Variants in USP10 observed in about 807,000 individuals in gnomAD.
The protein encoded by USP10 is ubiquitin specific peptidase 10, also known as ubiquitin carboxyl-terminal hydrolase 10.
In USP10, 22 loss-of-function variants were observed where a neutral mutation model predicts 84.5. The observed-to-expected ratio is 0.26, with a 90% CI of 0.19 to 0.37. The LOEUF (loss-of-function observed/expected upper bound fraction) is 0.37. Among genes scored for constraint, USP10 ranks in the 10% least tolerant of loss-of-function variants. The probability of loss-of-function intolerance (pLI) is 1.00; values close to 1 mark genes in which losing one functional copy is unlikely to be tolerated. For synonymous variants in USP10, 454 were observed against 387.6 expected (o/e 1.17, Z -2.01); for missense variants, 1,019 against 998.9 (o/e 1.02, Z -0.27).
intron 5 of USP10, 64 bp from the exon 6 acceptor site, chr16:84,759,299 G>C: frequency 6.9e-7 from 1 of 1,446,374 alleles, no homozygotes; most frequent in East Asian, 2.3e-5. Context: ...TGTGCTTCAT[G>C]TGCCTTCAGG....
rs1166613492 is a variant in USP10, at chr16:84,705,756, G to T, written c.21+5645G>T. ...TTTTTTTTTGAGACAGTCTTGCTCT[G>T]TTGCCCAGGCTGGAATGCAGTGGTG... On this transcript the variant is annotated intron_variant, in intron 1 of 13. Transcript: ENST00000219473. Among the ~76,000 whole-genome samples the T allele has an allele frequency of 5.6e-5, 6 of 106,362 alleles. No homozygotes were observed. The Admixed American group carries it at 5.8e-4, about 10-fold the overall frequency. The allele number at this position is 106,362 out of a possible 152,430, so 69.8% of individuals were successfully genotyped here. A position where few individuals can be genotyped will look rare whatever the true frequency, so the allele number is the denominator to read the frequency against.
intron 1 of USP10, among the ~76,000 whole-genome samples, chr16:84,705,064 G>A (rs528876987): frequency 2.1e-4 from 32 of 152,280 alleles, no homozygotes; most frequent in Admixed American, 1.2e-3. Flanking sequence ...CAGCCTTATC[G>A]GTTGTCATTC....
At chr16:84,769,647 C>T (rs1319380213) in intron 11 of USP10, among the ~76,000 whole-genome samples, 1 of 152,142 alleles carries the variant, frequency 6.6e-6, no homozygotes, top group African/African-American at 2.4e-5. Context: ...AGCTCCCTGG[C>T]CCTGGCTGCT....
chr16:84,739,641 G>A (rs1293865173), intron 2 of USP10, among the ~76,000 whole-genome samples: 3 of 152,206 alleles, frequency 2.0e-5, no homozygotes, highest in African/African-American at 7.2e-5. Context: ...AAATGTTATG[G>A]AATAGCTAGG....
chr16:84,742,784 A>G (rs1910776565), intron 3 of USP10, among the ~76,000 whole-genome samples: 1 of 152,202 alleles, frequency 6.6e-6, no homozygotes, highest in Non-Finnish European at 1.5e-5. Flanking sequence ...TCTGCCTTCT[A>G]GTGAGATGAT....
chr16:84,762,581 C>G (rs1913330768), intron 8 of USP10, among the ~76,000 whole-genome samples: 1 of 151,832 alleles, frequency 6.6e-6, no homozygotes, highest in Non-Finnish European at 1.5e-5. Context: ...GTCCCAGCTA[C>G]TCGGGAGGCT....
intron 10 of USP10, among the ~76,000 whole-genome samples, chr16:84,764,950 A>ATATATATG (rs1913682206): frequency 6.8e-6 from 1 of 146,720 alleles, no homozygotes; most frequent in Non-Finnish European, 1.5e-5. Context: ...ATATATATAT[A>ATATATATG]TATATTAGAC....
intron 4 of USP10, among the ~76,000 whole-genome samples, chr16:84,750,345 TTCA>T (rs1332286564): frequency 1.3e-5 from 2 of 149,704 alleles, no homozygotes; most frequent in Non-Finnish European, 3.0e-5. Context: ...GAGGTGGAGG[TTCA>T]GTGAGCCCAG....
chr16:84,722,133 C>A (rs958209269), intron 1 of USP10, among the ~76,000 whole-genome samples: 4 of 152,242 alleles, frequency 2.6e-5, no homozygotes, highest in African/African-American at 9.6e-5. Flanking sequence ...AGCTAGTGGT[C>A]TGCTTCTGTC....
intron 4 of USP10, 72 bp downstream of exon 4, chr16:84,745,745 G>A: frequency 6.8e-7 from 1 of 1,460,440 alleles, no homozygotes; most frequent in Non-Finnish European, 9.2e-7. Flanking sequence ...ATAGACTGTG[G>A]TGTTACCCAT....
intron 1 of USP10, among the ~76,000 whole-genome samples, chr16:84,726,117 T>G (rs1004593048): frequency 1.2e-4 from 18 of 152,242 alleles, no homozygotes; most frequent in African/African-American, 4.3e-4. Context: ...TTTCTATCAG[T>G]CCTTTTGAAG....
intron 1 of USP10, 48 bp from the exon 2 acceptor site, chr16:84,733,387 A>G (rs779003854): frequency 8.5e-6 from 12 of 1,415,436 alleles, no homozygotes; most frequent in African/African-American, 1.4e-5. Context: ...CTGAAAGTAT[A>G]TAATTTGTAT....
At chr16:84,770,363 A>G (rs1914302411) in intron 11 of USP10, among the ~76,000 whole-genome samples, 1 of 152,106 alleles carries the variant, frequency 6.6e-6, no homozygotes, top group Non-Finnish European at 1.5e-5. Context: ...TAACTTTATT[A>G]TGTTTTAGAT....
In USP10 at chr16:84,744,633, G is replaced by C. The variant is rs754599310; in HGVS notation, c.152G>C (p.Gly51Ala). The C allele has an allele frequency of 2.5e-6, 4 of 1,604,240 alleles. No individual in the cohort carries two copies. In the Admixed American group the frequency reaches 6.8e-5, roughly 27 times the overall value. The change falls in exon 4 of 14, where the codon GGA becomes GCA. Residue 51 changes from glycine to alanine, a missense_variant and splice_region_variant. Gly to Ala is a moderately conservative substitution (Grantham distance 60). Coordinates refer to ENST00000219473, the MANE Select transcript of USP10 (RefSeq NM_005153.3). Reference protein sequence around the residue: ...GTQAVDKLPDGQEYQRIEFGV... With the variant: ...GTQAVDKLPDAQEYQRIEFGV... ...AACTAATAGTTTTCTTTCTAAACAG[G>C]ACAAGAATATCAGAGAATTGAGTTT...
At chr16:84,773,905 G>A (rs907599984) in intron 12 of USP10, among the ~76,000 whole-genome samples, 1 of 152,090 alleles carries the variant, frequency 6.6e-6, no homozygotes, top group Admixed American at 6.6e-5. Context: ...ATCTTTTCTT[G>A]CTTGCTGTAT....
At chr16:84,716,395 C>G (rs1173586350) in intron 1 of USP10, 1 of 152,158 alleles carries the variant, frequency 6.6e-6, no homozygotes, top group East Asian at 1.9e-4. Context: ...AGGTTGGTTT[C>G]TCTGAACTTT....
rs554038804 is a variant in USP10, at chr16:84,774,546, C to T, written c.2144-614C>T. 5.9e-4 allele frequency among the ~76,000 whole-genome samples: 89 copies of T among 151,754 alleles called. No individual in the cohort carries two copies. In the East Asian group the frequency reaches 0.014, roughly 25 times the overall value. On this transcript the variant is annotated intron_variant, in intron 12 of 13. Transcript: ENST00000219473. ...AGTGCAGTGGCGCGATCTCGGCTCGCTGCAACCTCTGCCTCCCGGGTTCAA... is the reference window on the plus strand; with the variant it reads ...AGTGCAGTGGCGCGATCTCGGCTCGTTGCAACCTCTGCCTCCCGGGTTCAA...
chr16:84,760,810 G>A (rs1450937953), intron 8 of USP10, among the ~76,000 whole-genome samples: 3 of 152,168 alleles, frequency 2.0e-5, no homozygotes, highest in African/African-American at 7.2e-5. Flanking sequence ...GCTGTTGAGA[G>A]TGACTTGGGC....
chr16:84,712,094 A>G (rs1031899265), intron 1 of USP10, among the ~76,000 whole-genome samples: 2 of 152,186 alleles, frequency 1.3e-5, no homozygotes, highest in Admixed American at 6.5e-5. Context: ...GGGTGGAAAC[A>G]TAGACTTAAG....
Sources: allele counts gnomAD v4.1 joint callset (sites outside exome capture counted in the v4.1 genomes callset), GRCh38; gene constraint gnomAD v4.1.1; transcripts MANE v1.5; gene names NCBI Gene and HGNC (gene_info 2026-07-23, HGNC 2026-07-21).